SAP130: variants seen among roughly 807,000 people sequenced by gnomAD.
SAP130 encodes histone deacetylase complex subunit SAP130.
A neutral mutation model predicts 103.2 loss-of-function variants in SAP130; 16 were observed. The ratio of observed to expected loss-of-function variants is 0.16; its 90% CI spans 0.10 to 0.24. SAP130 has a LOEUF of 0.24. SAP130 is among the 10% of genes least tolerant of loss of function. The pLI, the probability that SAP130 is intolerant of heterozygous loss-of-function variation, is 1.00. For synonymous variants in SAP130, 477 were observed against 497.0 expected (o/e 0.96, Z 0.53); for missense variants, 990 against 1,359.7 (o/e 0.73, Z 4.28).
chr2:127,947,093 G>T (rs1413922040), intron 18 of SAP130, among the ~76,000 whole-genome samples: 1 of 151,552 alleles, frequency 6.6e-6, no homozygotes, highest in Admixed American at 6.6e-5. Context: ...TTTGAAGATG[G>T]AGGCAGGGAC....
intron 7 of SAP130, among the ~76,000 whole-genome samples, chr2:128,000,996 T>G (rs992897913): frequency 2.6e-5 from 4 of 152,216 alleles, no homozygotes; most frequent in African/African-American, 2.4e-5. Flanking sequence ...ACAAATTTCC[T>G]GAAGAAAGAT....
At chr2:127,999,692 G>C in intron 10 of SAP130, 49 bp downstream of exon 10, 1 of 1,086,856 alleles carries the variant, frequency 9.2e-7, no homozygotes, top group Non-Finnish European at 1.3e-6. Flanking sequence ...AGTCTGAGGG[G>C]TTACAGCACT....
chr2:127,945,595 G>T (rs566323985), intron 18 of SAP130, 36 bp from the exon 19 acceptor site: 3 of 1,235,944 alleles, frequency 2.4e-6, no homozygotes, highest in Non-Finnish European at 2.4e-6. Context: ...ATGTATTTCA[G>T]TGTTTAAAAA....
At chr2:127,944,356 A>G (rs1349028251) in intron 19 of SAP130, among the ~76,000 whole-genome samples, 1 of 152,130 alleles carries the variant, frequency 6.6e-6, no homozygotes, top group Non-Finnish European at 1.5e-5. Flanking sequence ...TATTAAAAAA[A>G]AATTTTAACT....
At chr2:128,025,481 T>C (rs150779811) in intron 2 of SAP130, among the ~76,000 whole-genome samples, 1 of 152,322 alleles carries the variant, frequency 6.6e-6, no homozygotes, top group Non-Finnish European at 1.5e-5. Context: ...ATGGGTTCCC[T>C]GATGTGAATT....
chr2:128,013,709 G>A (rs561125304), intron 5 of SAP130, among the ~76,000 whole-genome samples: 27 of 152,160 alleles, frequency 1.8e-4, no homozygotes, highest in African/African-American at 6.3e-4. Context: ...TCCAATAAAA[G>A]GTAAAAATTT....
At chr2:128,011,052 G>A (rs1684357319) in intron 6 of SAP130, among the ~76,000 whole-genome samples, 1 of 151,960 alleles carries the variant, frequency 6.6e-6, no homozygotes, top group South Asian at 2.1e-4. Context: ...GTACCAATGG[G>A]ATCTCACCCT....
chr2:127,961,993 G>A (rs1461677346), intron 15 of SAP130, among the ~76,000 whole-genome samples: 4 of 152,136 alleles, frequency 2.6e-5, no homozygotes, highest in African/African-American at 4.8e-5. Context: ...CTCTCAGCAC[G>A]TTGACACCTC....
At chr2:127,970,206 T>C (rs1163033228) in intron 15 of SAP130, among the ~76,000 whole-genome samples, 1 of 114,670 alleles carries the variant, frequency 8.7e-6, no homozygotes, top group Admixed American at 9.8e-5. Context: ...CCAGCCTGGG[T>C]GGGAGACTCC....
intron 14 of SAP130, among the ~76,000 whole-genome samples, chr2:127,984,145 C>T (rs187118780): frequency 2.0e-5 from 3 of 152,124 alleles, no homozygotes; most frequent in Non-Finnish European, 4.4e-5. Context: ...TCAATTTTAT[C>T]TTCCAACTCT....
At chr2:127,956,273 T>TG (rs948452778) in intron 15 of SAP130, among the ~76,000 whole-genome samples, 5 of 152,238 alleles carry the variant, frequency 3.3e-5, no homozygotes, top group Non-Finnish European at 5.9e-5. Context: ...CTTATGCTTC[T>TG]GTTCCATTTG....
intron 15 of SAP130, among the ~76,000 whole-genome samples, chr2:127,970,852 A>G (rs1681033497): frequency 6.6e-6 from 1 of 152,182 alleles, no homozygotes; most frequent in Non-Finnish European, 1.5e-5. Flanking sequence ...TTTGGGGGAC[A>G]CAACTCAACC....
chr2:127,994,169 A>C (rs765488850), intron 11 of SAP130, among the ~76,000 whole-genome samples: 2 of 152,244 alleles, frequency 1.3e-5, no homozygotes, highest in Admixed American at 6.5e-5. Context: ...AGAGAACAAT[A>C]ATTTAAAACC....
Position 127,988,519 on chromosome 2 carries a change from A to G in SAP130, c.1780+1045T>C, listed in dbSNP as rs148473142. On this transcript the variant is annotated intron_variant, in intron 13 of 20. Transcript: ENST00000643581. ...TACATTAGAGAAATGGCTAATCAATAATAATCCAAGTACATGGAATCTTAA... is the reference window on the plus strand; with the variant it reads ...TACATTAGAGAAATGGCTAATCAATGATAATCCAAGTACATGGAATCTTAA... 1.8e-3 allele frequency among the ~76,000 whole-genome samples: 267 copies of G among 152,100 alleles called. 1 individual carries two copies. Among genetic ancestry groups the G allele is most frequent in the African/African-American group, 6.2e-3 (258 of 41,472 alleles).
intron 7 of SAP130, among the ~76,000 whole-genome samples, chr2:128,003,957 C>CCTTTTTT (rs1683762884): frequency 2.9e-5 from 2 of 67,878 alleles, no homozygotes; most frequent in African/African-American, 4.7e-5. Context: ...CACAGATCAG[C>CCTTTTTT]TTTTTTTTTT....
chr2:127,942,535 C>T lies in SAP130; in HGVS notation c.2904G>A (p.Thr968=), dbSNP rs199810314. 26 of 1,575,620 alleles carry T rather than the reference C, an allele frequency of 1.7e-5. No homozygotes were observed. In the Middle Eastern group the frequency reaches 5.0e-4, roughly 30 times the overall value. Residue 968 remains threonine, a splice_region_variant and synonymous_variant, in exon 20 of 21, where the codon ACG becomes ACA. Coordinates refer to ENST00000643581, the MANE Select transcript of SAP130 (RefSeq NM_001330301.2). This position sits in a 1 kb window ranked among gnomAD's most constrained non-coding sequence, Gnocchi z 4.8. ...HLCAAQLLQL[T]NLEHDVYERL... is the part of the protein sequence containing the mutation. ...TTTCATAGACATCATGTTCTAGATT[C>T]GTCTGCAACACACAAAAGGGAGGGT...
chr2:127,991,368 G>A (rs75468323), intron 12 of SAP130, among the ~76,000 whole-genome samples: 4,344 of 152,116 alleles, frequency 0.029, 179 homozygotes, highest in African/African-American at 0.093. Flanking sequence ...CAAGGGTCTC[G>A]CTTTCTTGAC....
intron 15 of SAP130, among the ~76,000 whole-genome samples, chr2:127,957,316 G>T (rs1352123952): frequency 6.6e-6 from 1 of 151,984 alleles, no homozygotes; most frequent in Non-Finnish European, 1.5e-5. Flanking sequence ...ATACAAAAGT[G>T]TAAAGGCTGA....
intron 15 of SAP130, among the ~76,000 whole-genome samples, chr2:127,959,552 C>A (rs1242159982): frequency 6.6e-6 from 1 of 152,170 alleles, no homozygotes; most frequent in Non-Finnish European, 1.5e-5. Context: ...CAAGGCAATG[C>A]CCCCTCTTCC....
Sources: gnomAD v4.1 joint callset for allele counts (sites outside exome capture counted in the v4.1 genomes callset) on GRCh38, gnomAD v4.1.1 for gene constraint, Gnocchi (gnomAD v3.1) non-coding constraint, MANE v1.5 for transcripts, NCBI Gene and HGNC (gene_info 2026-07-23, HGNC 2026-07-21) for gene names.